The following MGAM2 variants were observed in gnomAD, a reference collection of about 807,000 sequenced individuals.
The protein encoded by MGAM2 is probable maltase-glucoamylase 2.
Under a neutral mutation model 96.1 loss-of-function variants are expected in MGAM2, and 98 were observed. The observed-to-expected ratio is 1.02, with a 90% confidence interval of 0.87 to 1.21. The LOEUF is 1.21. Among genes scored for constraint, MGAM2 ranks in the 50% most tolerant of loss-of-function variants. The pLI is 0.00. For synonymous variants in MGAM2, 749 were observed against 414.8 expected, an observed-to-expected ratio of 1.81 and a Z score of -9.79; for missense variants, 2,055 against 1,182.4, an observed-to-expected ratio of 1.74 and a Z score of -10.82.
Position 142,160,117 on chromosome 7 carries a change from T to C in MGAM2, c.2221-17T>C. 1.4e-6 allele frequency: 1 copy of C among 698,838 alleles called. No homozygotes were observed. Among genetic ancestry groups the C allele is most frequent in the Non-Finnish European group, 2.6e-6 (1 of 383,290 alleles). 43.3% of individuals were successfully genotyped at this position (698,838 alleles called of 1,614,324 possible). ...AGCTTATTACCTGATCTATCTTTTG[T>C]TGTTGTTGCTGATTAGGGAGTGGCC... On this transcript the variant is annotated splice_polypyrimidine_tract_variant and intron_variant, in intron 20 of 47. Coordinates refer to ENST00000477922, the MANE Select transcript of MGAM2 (RefSeq NM_001293626.2).
In MGAM2 at chr7:142,186,088, C is replaced by G. The variant is rs1037178901; in HGVS notation, c.4087C>G (p.Pro1363Ala). ...AGAGCTCTATGCAAACCCTCGAGAG[C>G]CAGAGAAGAGCTTGAAGTTTGATGG... ...IEELYANPRE[P>A]EKSLKFDGLW... Residue 1363 changes from proline (P) to alanine (A), a missense_variant, in exon 35 of 48, where the codon CCA (proline) becomes GCA (alanine). By Grantham distance (27) the Pro-to-Ala change is conservative (BLOSUM62 -1). Coordinates refer to ENST00000477922, the MANE Select transcript of MGAM2 (RefSeq NM_001293626.2). 5.7e-6 allele frequency: 4 copies of G among 705,700 alleles called. No homozygotes were observed. The highest frequency in any genetic ancestry group is 1.0e-5 in the Non-Finnish European group (4 of 385,086). The allele number at this position is 705,700 out of a possible 1,614,324, so 43.7% of individuals were successfully genotyped here.
intron 25 of MGAM2, among the ~76,000 whole-genome samples, chr7:142,166,497 T>A (rs1563270947): frequency 6.6e-6 from 1 of 152,174 alleles, no homozygotes; most frequent in Non-Finnish European, 1.5e-5. Context: ...TAATGTACAT[T>A]GGGTATGCAT....
At position 142,123,232 on chromosome 7, in the gene MGAM2, A is replaced by AT. The variant is rs138321419; in HGVS notation, c.186+2861dup. 4.0e-3 allele frequency among the ~76,000 whole-genome samples: 575 copies of AT among 142,508 alleles called. 14 individuals carry two copies. In the East Asian group the frequency reaches 0.074, roughly 18 times the overall value. 93.5% of individuals were successfully genotyped at this position (142,508 alleles called of 152,430 possible). A position where few individuals can be genotyped will look rare whatever the true frequency, so the allele number is the denominator to read the frequency against. ...GGCAATTGTGAGTTTTCATCTAGAG[A>AT]TTTTTTTTTTACAGCACGATTCAAA... On this transcript the variant is annotated intron_variant, in intron 3 of 47. Transcript: ENST00000477922.
intron 33 of MGAM2, among the ~76,000 whole-genome samples, chr7:142,184,076 G>C (rs184055843): frequency 3.6e-3 from 510 of 142,976 alleles, no homozygotes; most frequent in Middle Eastern, 0.011. Flanking sequence ...AGGTTCAAGC[G>C]ATTCTCCTGC....
intron 1 of MGAM2, among the ~76,000 whole-genome samples, chr7:142,114,672 G>T (rs1449997069): frequency 1.3e-5 from 2 of 152,136 alleles, no homozygotes; most frequent in African/African-American, 4.8e-5. Context: ...CAACAGCTGT[G>T]AGATCTAGAT....
At chr7:142,167,584 T>G (rs1425806319) in intron 26 of MGAM2, 98 bp downstream of exon 26, 1 of 657,106 alleles carries the variant, frequency 1.5e-6, no homozygotes, top group Non-Finnish European at 2.8e-6. Flanking sequence ...ACATTTTTTT[T>G]CTTTTCAAGA....
intron 32 of MGAM2, among the ~76,000 whole-genome samples, chr7:142,180,110 T>C (rs566652651): frequency 6.6e-6 from 1 of 152,284 alleles, no homozygotes; most frequent in African/African-American, 2.4e-5. Context: ...TAGGAATTTA[T>C]TCATTTCCTC....
chr7:142,128,316 T>C (rs1017508526), intron 3 of MGAM2, among the ~76,000 whole-genome samples: 4 of 152,126 alleles, frequency 2.6e-5, no homozygotes, highest in African/African-American at 7.2e-5. Flanking sequence ...AAGTAGAGTA[T>C]AAAAGTTCAG....
chr7:142,135,632 G>T (rs1359743519), intron 7 of MGAM2, among the ~76,000 whole-genome samples: 2 of 151,458 alleles, frequency 1.3e-5, no homozygotes, highest in Non-Finnish European at 2.9e-5. Context: ...CTTATGCTTT[G>T]GCTAAGATGA....
At chr7:142,142,099 C>T (rs1428795859) in intron 12 of MGAM2, among the ~76,000 whole-genome samples, 1 of 152,008 alleles carries the variant, frequency 6.6e-6, no homozygotes, top group Non-Finnish European at 1.5e-5. Flanking sequence ...ATGGATGATC[C>T]CTTACCAAAA....
rs1378443190 is a variant in MGAM2 at position 142,183,335 on chromosome 7, A to G, written c.3886A>G (p.Ile1296Val). Residue 1296 changes from isoleucine (I) to valine (V), a missense_variant, in exon 33 of 48, where the codon ATC becomes GTC. Ile to Val is a conservative substitution (Grantham distance 29). Transcript: ENST00000477922. ...FIRGQENNVF[I>V]KWPDTNDIVW... Reference sequence around the variant, plus strand: ...TAGAGGACAGGAAAATAACGTGTTCATCAAATGGCCTGACACCAATGACAT... The same window carrying G: ...TAGAGGACAGGAAAATAACGTGTTCGTCAAATGGCCTGACACCAATGACAT... 2.8e-6 allele frequency: 2 copies of G among 703,308 alleles called. No homozygotes were observed. The highest frequency in any genetic ancestry group is 2.6e-6 in the Non-Finnish European group (1 of 384,968). The allele number at this position is 703,308 out of a possible 1,614,324, so 43.6% of individuals were successfully genotyped here.
chr7:142,181,113 AC>A (rs1299397529), intron 32 of MGAM2, among the ~76,000 whole-genome samples: 4 of 152,146 alleles, frequency 2.6e-5, no homozygotes, highest in African/African-American at 9.7e-5. Context: ...AGATACTCTG[AC>A]TTTTTGAATT....
intron 37 of MGAM2, among the ~76,000 whole-genome samples, chr7:142,192,126 A>C (rs369969988): frequency 6.6e-6 from 1 of 152,230 alleles, no homozygotes; most frequent in East Asian, 1.9e-4. Context: ...AGTTTACAAG[A>C]ACCTCATACT....
intron 25 of MGAM2, among the ~76,000 whole-genome samples, chr7:142,166,977 T>A (rs905952473): frequency 6.6e-6 from 1 of 152,198 alleles, no homozygotes; most frequent in African/African-American, 2.4e-5. Flanking sequence ...CATGTGTACA[T>A]GTCTATCTCT....
rs146039874 is a variant in MGAM2 at position 142,161,173 on chromosome 7, A to G, written c.2394A>G (p.Glu798=). Residue 798 remains glutamate (E), a synonymous_variant, in exon 22 of 48, where the codon GAA becomes GAG. Coordinates refer to ENST00000477922, the MANE Select transcript of MGAM2 (RefSeq NM_001293626.2). ...GLIIALDYKR[E]AKGELYWDDG... is the part of the protein sequence containing the mutation. ...TCATCGCCTTGGACTATAAGAGAGAAGCAAAGGGGGAGCTGTACTGGGATG... is the reference window on the plus strand; with the variant it reads ...TCATCGCCTTGGACTATAAGAGAGAGGCAAAGGGGGAGCTGTACTGGGATG... 1.9e-3 allele frequency: 1,345 copies of G among 702,792 alleles called. 2 individuals are homozygous for G. Among genetic ancestry groups the G allele is most frequent in the Middle Eastern group, 3.4e-3 (15 of 4,368 alleles). The allele number at this position is 702,792 out of a possible 1,614,324, so 43.5% of individuals were successfully genotyped here.
chr7:142,143,640 G>C, intron 12 of MGAM2, 129 bp from the exon 13 acceptor site: 1 of 443,982 alleles, frequency 2.3e-6, no homozygotes, highest in Non-Finnish European at 4.0e-6. Flanking sequence ...TTTAGTTTTT[G>C]TTGGGGTAGT....
rs778472064 is a variant in MGAM2 at position 142,197,723 on chromosome 7, G to A, written c.4861G>A (p.Glu1621Lys). Reference protein sequence around the residue: ...GPAILISPVLETSTFEISAYF... With the variant: ...GPAILISPVLKTSTFEISAYF... ...TGCTATCTTAATCAGCCCTGTGTTG[G>A]AAACTGTGAGTTCTTCATTGTAGGT... Residue 1621 changes from glutamate (E) to lysine (K), a missense_variant, in exon 42 of 48, where the codon GAA becomes AAA. Glu to Lys is a moderately conservative substitution (Grantham distance 56, BLOSUM62 1). Coordinates refer to ENST00000477922, the MANE Select transcript of MGAM2 (RefSeq NM_001293626.2). The A allele has an allele frequency of 4.3e-6, 3 of 702,928 alleles. No homozygotes were observed. The South Asian group carries it at 4.4e-5, about 10-fold the overall frequency. The allele number at this position is 702,928 out of a possible 1,614,324, so 43.5% of individuals were successfully genotyped here.
intron 45 of MGAM2, among the ~76,000 whole-genome samples, chr7:142,201,477 T>A (rs2129101974): frequency 6.6e-6 from 1 of 152,334 alleles, no homozygotes; most frequent in Admixed American, 6.5e-5. Context: ...TTAAAAAAGT[T>A]GTGATTTATA....
At chr7:142,217,822 A>G (rs781644220) in intron 46 of MGAM2, among the ~76,000 whole-genome samples, 1 of 152,214 alleles carries the variant, frequency 6.6e-6, no homozygotes, top group Non-Finnish European at 1.5e-5. Context: ...GTGGTGGCTC[A>G]CACCTGTAAT....
Sources: gnomAD v4.1 joint callset for allele counts (sites outside exome capture counted in the v4.1 genomes callset) on GRCh38, gnomAD v4.1.1 for gene constraint, MANE v1.5 for transcripts, NCBI Gene and HGNC (gene_info 2026-07-23, HGNC 2026-07-21) for gene names.